Variants in PHTF1 observed in about 807,000 individuals in gnomAD.
PHTF1 encodes putative homeodomain transcription factor 1.
PHTF1 carries 88 observed loss-of-function variants against 102.4 expected under a neutral mutation model. The ratio of observed to expected loss-of-function variants is 0.86; its 90% CI spans 0.72 to 1.03. The LOEUF (loss-of-function observed/expected upper bound fraction) is 1.03, where lower values mean the gene tolerates loss of function less well. PHTF1 is among the 50% of genes least tolerant of loss of function. PHTF1 has a pLI of 0.00. For synonymous variants in PHTF1, 289 were observed against 305.2 expected, an observed-to-expected ratio of 0.95 and a Z score of 0.55; for missense variants, 814 against 909.5, an observed-to-expected ratio of 0.89 and a Z score of 1.35.
rs116706118 is a variant in PHTF1 at position 113,711,653 on chromosome 1, G to C, written c.1047+93C>G. The C allele has an allele frequency of 6.4e-4, 571 of 897,996 alleles. 5 individuals carry two copies. In the African/African-American group the frequency reaches 8.2e-3, roughly 13 times the overall value. 55.6% of individuals were successfully genotyped at this position (897,996 alleles called of 1,614,324 possible). Reference sequence around the variant, plus strand: ...CAGGGAAGGGCTGGCAAATATTAATGTAAATGCTACTTTAGGGCAACCAAT... The same window carrying C: ...CAGGGAAGGGCTGGCAAATATTAATCTAAATGCTACTTTAGGGCAACCAAT... On this transcript the variant is annotated intron_variant, in intron 10 of 18. Coordinates refer to ENST00000369604, the MANE Select transcript of PHTF1 (RefSeq NM_001323043.2).
intron 3 of PHTF1, 47 bp from the exon 4 acceptor site, chr1:113,738,846 C>T: frequency 7.8e-7 from 1 of 1,280,610 alleles, no homozygotes; most frequent in South Asian, 1.3e-5. Context: ...AAGAAAAGCC[C>T]TTTTATTTAT....
In PHTF1 at chr1:113,718,924, T is replaced by C. The variant is rs551270403; in HGVS notation, c.624-5486A>G. Among the ~76,000 whole-genome samples the C allele has an allele frequency of 2.8e-3, 433 of 152,320 alleles. 1 individual carries two copies. The highest frequency in any genetic ancestry group is 9.0e-3 in the African/African-American group (374 of 41,572). ...ATTTTCCCCATTGCTTGGGTATTAA[T>C]GTTAGGCTCCTTGCTACTTATGCAA... On this transcript the variant is annotated intron_variant, in intron 7 of 18. Coordinates refer to ENST00000369604, the MANE Select transcript of PHTF1 (RefSeq NM_001323043.2).
chr1:113,758,231 C>CAAAAA (rs1162537319), intron 2 of PHTF1, among the ~76,000 whole-genome samples: 1,049 of 58,024 alleles, frequency 0.018, 99 homozygotes, highest in East Asian at 0.083. Context: ...AACTCCGTCT[C>CAAAAA]AAAAAAAAAA....
rs746376175 is a variant in PHTF1 at position 113,710,290 on chromosome 1, C to T, written c.1233G>A (p.Gly411=). 3.7e-5 allele frequency: 59 copies of T among 1,613,682 alleles called. No individual in the cohort carries two copies. The highest frequency in any genetic ancestry group is 4.7e-5 in the Non-Finnish European group (55 of 1,179,984). The change falls in exon 11 of 19, where the codon GGG becomes GGA. Residue 411 remains glycine (G), a synonymous_variant. Coordinates refer to ENST00000369604, the MANE Select transcript of PHTF1 (RefSeq NM_001323043.2). Reference sequence around the variant, plus strand: ...CATCCTCTTTGGGGTCACGTTTGGTCCCTGAGTGAAGGGTATTCACATGGG... The same window carrying T: ...CATCCTCTTTGGGGTCACGTTTGGTTCCTGAGTGAAGGGTATTCACATGGG... ...EGAHVNTLHS[G]TKRDPKEDVF... is the part of the protein sequence containing the mutation.
chr1:113,736,206 G>A (rs1219659907), intron 5 of PHTF1, among the ~76,000 whole-genome samples: 2 of 151,966 alleles, frequency 1.3e-5, no homozygotes, highest in African/African-American at 4.8e-5. Context: ...GCTGGGCGTG[G>A]TGGCGGGTGC....
intron 6 of PHTF1, 78 bp from the exon 7 acceptor site, chr1:113,724,971 T>G: frequency 1.0e-6 from 1 of 978,510 alleles, no homozygotes; most frequent in South Asian, 1.7e-5. Flanking sequence ...TACAGAAAAT[T>G]ATACTGACAA....
At chr1:113,719,082 A>G (rs1652522952) in intron 7 of PHTF1, among the ~76,000 whole-genome samples, 1 of 151,726 alleles carries the variant, frequency 6.6e-6, no homozygotes, top group Non-Finnish European at 1.5e-5. Context: ...CTCACTGCAA[A>G]TGCCACCTCT....
intron 3 of PHTF1, among the ~76,000 whole-genome samples, chr1:113,752,385 ATTTTTTTTTTTTTTTT>A (rs774522219): frequency 4.2e-5 from 2 of 47,840 alleles, no homozygotes; most frequent in Admixed American, 2.9e-4. Context: ...TGTTACTGTA[ATTTTTTTTTTTTTTTT>A]TTTTTTTTTT....
intron 5 of PHTF1, among the ~76,000 whole-genome samples, chr1:113,733,988 A>G (rs542731030): frequency 3.9e-5 from 6 of 152,326 alleles, no homozygotes; most frequent in Non-Finnish European, 7.4e-5. Context: ...GGCCGGGTGT[A>G]GTGGTTCACA....
At chr1:113,740,234 T>C (rs1656145484) in intron 3 of PHTF1, among the ~76,000 whole-genome samples, 1 of 150,846 alleles carries the variant, frequency 6.6e-6, no homozygotes, top group Admixed American at 6.6e-5. Context: ...CTTGCCAGCA[T>C]TTTTTTTTGT....
chr1:113,741,965 A>G (rs1656435630), intron 3 of PHTF1, among the ~76,000 whole-genome samples: 2 of 152,134 alleles, frequency 1.3e-5, no homozygotes, highest in South Asian at 4.1e-4. Context: ...ACTGAGGGAG[A>G]GTAAAAAACA....
intron 3 of PHTF1, among the ~76,000 whole-genome samples, chr1:113,746,615 G>C (rs1351646317): frequency 6.6e-6 from 1 of 152,068 alleles, no homozygotes; most frequent in Non-Finnish European, 1.5e-5. Context: ...AGATTTGTTG[G>C]TTTTGGCACC....
intron 5 of PHTF1, among the ~76,000 whole-genome samples, chr1:113,734,353 C>A (rs1655159326): frequency 1.3e-5 from 2 of 152,132 alleles, no homozygotes; most frequent in South Asian, 4.1e-4. Context: ...ACCTAAGTAA[C>A]CATGAACAGA....
intron 15 of PHTF1, among the ~76,000 whole-genome samples, chr1:113,702,279 A>C (rs985580303): frequency 9.2e-5 from 14 of 152,202 alleles, no homozygotes; most frequent in African/African-American, 3.4e-4. Context: ...TAACAAGTTA[A>C]TAGGATTAGG....
At chr1:113,713,768 A>C in intron 7 of PHTF1, 1 of 227,842 alleles carries the variant, frequency 4.4e-6, no homozygotes, top group Non-Finnish European at 8.5e-6. Context: ...TGTTATTGCC[A>C]CTCCACTAGC....
chr1:113,706,809 A>T (rs755102774), intron 11 of PHTF1, 87 bp from the exon 12 acceptor site: 4 of 767,760 alleles, frequency 5.2e-6, no homozygotes, highest in Non-Finnish European at 6.1e-6. Flanking sequence ...ATTTGCCAAC[A>T]CTCTAATAAC....
intron 15 of PHTF1, among the ~76,000 whole-genome samples, chr1:113,701,826 TA>T (rs34844793): frequency 0.012 from 328 of 27,928 alleles, no homozygotes; most frequent in Middle Eastern, 0.031. Flanking sequence ...CAATTCCTGG[TA>T]AAAAAAAAAA....
intron 3 of PHTF1, among the ~76,000 whole-genome samples, chr1:113,740,171 T>C (rs1571218609): frequency 6.6e-6 from 1 of 152,224 alleles, no homozygotes; most frequent in Non-Finnish European, 1.5e-5. Context: ...ATAATGGCTG[T>C]ACTAATTTAC....
intron 7 of PHTF1, among the ~76,000 whole-genome samples, chr1:113,719,452 A>T (rs1652576984): frequency 6.6e-6 from 1 of 152,170 alleles, no homozygotes; most frequent in Non-Finnish European, 1.5e-5. Context: ...AGATACCCTA[A>T]ATCATCTCTC....
Sources: allele counts gnomAD v4.1 joint callset (sites outside exome capture counted in the v4.1 genomes callset), GRCh38; gene constraint gnomAD v4.1.1; transcripts MANE v1.5; gene names NCBI Gene and HGNC (gene_info 2026-07-23, HGNC 2026-07-21).